Variants in ESRRG observed in about 807,000 individuals in gnomAD.
ESRRG encodes estrogen-related receptor gamma.
A neutral mutation model predicts 44.0 loss-of-function variants in ESRRG; 13 were observed. The observed-to-expected ratio is 0.30, with a 90% confidence interval of 0.19 to 0.47. The LOEUF (loss-of-function observed/expected upper bound fraction) is 0.47. Ranked by LOEUF, ESRRG falls within the 20% of genes least tolerant of loss-of-function variation. ESRRG has a pLI of 1.00. For missense variants in ESRRG, 395 were observed against 580.6 expected (o/e 0.68, Z 3.29); for synonymous variants, 215 against 214.6 (o/e 1.00, Z -0.02).
intron 1 of ESRRG, among the ~76,000 whole-genome samples, chr1:217,066,668 C>T (rs2089754864): frequency 6.6e-6 from 1 of 152,202 alleles, no homozygotes; most frequent in Non-Finnish European, 1.5e-5. Flanking sequence ...GGCCTAGGCA[C>T]TGTTGACATT....
At chr1:216,758,495 C>T (rs146364792) in intron 2 of ESRRG, among the ~76,000 whole-genome samples, 2 of 151,902 alleles carry the variant, frequency 1.3e-5, no homozygotes, top group East Asian at 3.9e-4. Context: ...TTTCTTTGTC[C>T]AAATACTAAA....
chr1:216,589,486 T>C (rs543501526), intron 3 of ESRRG, among the ~76,000 whole-genome samples: 15 of 152,190 alleles, frequency 9.9e-5, no homozygotes, highest in African/African-American at 3.6e-4. Context: ...ATACCCCTGA[T>C]GTAGAATGAA....
chr1:216,713,444 A>G (rs1368292009), intron 1 of ESRRG, among the ~76,000 whole-genome samples: 1 of 152,080 alleles, frequency 6.6e-6, no homozygotes, highest in Non-Finnish European at 1.5e-5. Flanking sequence ...ATTTAACCAG[A>G]GCACACTAGC....
chr1:217,133,671 CTT>C (rs1365480872), intron 1 of ESRRG, among the ~76,000 whole-genome samples: 1 of 149,138 alleles, frequency 6.7e-6, no homozygotes, highest in Admixed American at 6.8e-5. Flanking sequence ...TTCTTTCTTT[CTT>C]TCTTTCTTTC....
At position 216,781,051 on chromosome 1, in the gene ESRRG, C is replaced by T. The variant is rs568307890; in HGVS notation, c.-13-103560G>A. 1.6e-3 allele frequency among the ~76,000 whole-genome samples: 244 copies of T among 151,988 alleles called. 1 individual carries two copies. The highest frequency in any genetic ancestry group is 5.5e-3 in the African/African-American group (227 of 41,490). ...TGGTTAACTAAGTGCTTATTTTTAA[C>T]CCAAGTTAAAATTAATAAGCAATGT... On this transcript the variant is annotated intron_variant, in intron 2 of 7. Transcript: ENST00000359162.
chr1:216,713,194 A>G (rs2084003460), intron 1 of ESRRG, among the ~76,000 whole-genome samples: 1 of 152,206 alleles, frequency 6.6e-6, no homozygotes, highest in Non-Finnish European at 1.5e-5. Context: ...GTCAAATTAC[A>G]AAGAAGAGAA....
intron 3 of ESRRG, among the ~76,000 whole-genome samples, chr1:216,569,517 T>C (rs1270192599): frequency 6.6e-6 from 1 of 152,050 alleles, no homozygotes. Flanking sequence ...GGATTACAAA[T>C]ATAGGAAAAT....
At chr1:216,976,593 T>C (rs1332428975) in intron 1 of ESRRG, among the ~76,000 whole-genome samples, 2 of 152,142 alleles carry the variant, frequency 1.3e-5, no homozygotes, top group Non-Finnish European at 2.9e-5. Flanking sequence ...GCTAAACACC[T>C]CTTAATTAGG....
intron 1 of ESRRG, among the ~76,000 whole-genome samples, chr1:217,083,077 A>G (rs961206191): frequency 9.2e-5 from 14 of 152,196 alleles, no homozygotes; most frequent in Non-Finnish European, 1.9e-4. Flanking sequence ...TATCACTTGT[A>G]TCATAATAGA....
intron 2 of ESRRG, among the ~76,000 whole-genome samples, chr1:216,770,616 A>G (rs576386298): frequency 4.7e-4 from 71 of 152,278 alleles, no homozygotes; most frequent in African/African-American, 1.7e-3. Flanking sequence ...AATAATAATG[A>G]TTATAACAAT....
upstream of ESRRG, among the ~76,000 whole-genome samples, chr1:216,726,365 C>T (rs2087520594): frequency 6.6e-6 from 1 of 152,162 alleles, no homozygotes; most frequent in Admixed American, 6.5e-5. Context: ...TGTGAGACAG[C>T]TTCCAGAATA....
intron 5 of ESRRG, among the ~76,000 whole-genome samples, chr1:216,523,018 C>T (rs1045937543): frequency 1.3e-5 from 2 of 152,116 alleles, no homozygotes. Flanking sequence ...GCAGTTGTGT[C>T]GTTTGAACTT....
intron 3 of ESRRG, among the ~76,000 whole-genome samples, chr1:216,568,695 A>G (rs1399348380): frequency 6.6e-6 from 1 of 152,128 alleles, no homozygotes; most frequent in Non-Finnish European, 1.5e-5. Flanking sequence ...TTTGGCACAA[A>G]TTTGTATTTC....
intron 6 of ESRRG, among the ~76,000 whole-genome samples, chr1:216,516,668 C>CACACACACACACAG (rs376701865): frequency 0.013 from 1,821 of 137,136 alleles, 32 homozygotes; most frequent in Admixed American, 0.04. Context: ...CACACACACA[C>CACACACACACACAG]AGAGAGAGAG....
intron 2 of ESRRG, among the ~76,000 whole-genome samples, chr1:216,753,175 T>TACACACACACACATACACACACAC (rs2092190474): frequency 6.7e-6 from 1 of 148,910 alleles, no homozygotes; most frequent in East Asian, 2.0e-4. Context: ...TATATATTGA[T>TACACACACACACATACACACACAC]ACACACACAC....
At chr1:216,614,086 G>T (rs1322038600) in intron 3 of ESRRG, among the ~76,000 whole-genome samples, 1 of 152,218 alleles carries the variant, frequency 6.6e-6, no homozygotes, top group African/African-American at 2.4e-5. Flanking sequence ...ATCAAAGAGA[G>T]ACGATTTATG....
intron 3 of ESRRG, among the ~76,000 whole-genome samples, chr1:216,649,271 CAAA>C (rs956881649): frequency 2.0e-5 from 3 of 152,064 alleles, no homozygotes; most frequent in African/African-American, 7.2e-5. Flanking sequence ...ACATATTCAG[CAAA>C]AGGATTACAA....
At chr1:216,856,310 A>G (rs1171841509) in intron 2 of ESRRG, among the ~76,000 whole-genome samples, 1 of 151,490 alleles carries the variant, frequency 6.6e-6, no homozygotes, top group Non-Finnish European at 1.5e-5. Flanking sequence ...TATAGATATT[A>G]CCAGTTGCTT....
At chr1:216,952,446 G>A (rs936561912) in intron 1 of ESRRG, among the ~76,000 whole-genome samples, 6 of 152,110 alleles carry the variant, frequency 3.9e-5, no homozygotes, top group African/African-American at 1.4e-4. Flanking sequence ...GTCATGGTCA[G>A]GGATCTTATT....
Sources: gnomAD v4.1 joint callset for allele counts (sites outside exome capture counted in the v4.1 genomes callset) on GRCh38, gnomAD v4.1.1 for gene constraint, MANE v1.5 for transcripts, NCBI Gene and HGNC (gene_info 2026-07-23, HGNC 2026-07-21) for gene names.